Variants in RTP2 observed in about 807,000 individuals in gnomAD.
RTP2 encodes receptor transporter protein 2.
In RTP2, 12 loss-of-function variants were observed where a neutral mutation model predicts 17.9. That is an observed-to-expected ratio of 0.67 (90% CI 0.43 to 1.09). RTP2 has a LOEUF of 1.09. Ranked by LOEUF, RTP2 falls within the 50% of genes least tolerant of loss-of-function variation. The pLI, the probability that RTP2 is intolerant of heterozygous loss-of-function variation, is 0.00. For missense variants in RTP2, 327 were observed against 295.7 expected (o/e 1.11, Z -0.78); for synonymous variants, 126 against 117.7 (o/e 1.07, Z -0.46).
the RTP2 span, among the ~76,000 whole-genome samples, chr3:187,713,467 C>T: frequency 6.6e-6 from 1 of 152,142 alleles, no homozygotes; most frequent in Non-Finnish European, 1.5e-5. Flanking sequence ...TTTATTGAAA[C>T]GAAAGTATAC....
chr3:187,699,776 CACACACAT>C (rs1553830580), intron 1 of RTP2, among the ~76,000 whole-genome samples: 16,754 of 45,198 alleles, frequency 0.37, 1,368 homozygotes, highest in East Asian at 0.49. Context: ...CACACACACA[CACACACAT>C]ATATTTTCTC....
In RTP2 at chr3:187,698,444, G is replaced by A. The variant is rs1717742045; in HGVS notation, c.*54C>T. The A allele has an allele frequency of 4.7e-6, 7 of 1,481,864 alleles. No individual in the cohort carries two copies. In the East Asian group the frequency reaches 1.4e-4, roughly 30 times the overall value. 91.8% of individuals were successfully genotyped at this position (1,481,864 alleles called of 1,614,324 possible). On this transcript the variant is annotated 3_prime_UTR_variant, in exon 2 of 2. Transcript: ENST00000358241. ...TCTGTAGCAGGATCAAGTCCAGACT[G>A]TGTCCTCCCCACTCTCAAGCCCATG...
At chr3:187,710,291 G>A in the RTP2 span, among the ~76,000 whole-genome samples, 1 of 151,572 alleles carries the variant, frequency 6.6e-6, no homozygotes, top group Non-Finnish European at 1.5e-5. Context: ...TGAGTCTTCA[G>A]CTTGTAGTTG....
the RTP2 span, among the ~76,000 whole-genome samples, chr3:187,709,233 A>G: frequency 6.6e-6 from 1 of 152,196 alleles, no homozygotes; most frequent in Admixed American, 6.5e-5. Context: ...AAAAAGTTAT[A>G]TGGCATTGAC....
upstream of RTP2, among the ~76,000 whole-genome samples, chr3:187,704,450 G>A (rs1717939271): frequency 6.6e-6 from 1 of 152,164 alleles, no homozygotes; most frequent in Non-Finnish European, 1.5e-5. Context: ...TGTTCTTGAG[G>A]AGACAAATTT....
At position 187,699,729 on chromosome 3, in the gene RTP2, CCACA is replaced by C. The variant is rs1328615413; in HGVS notation, c.165-722_165-719del. ...GAGGGTATTCATTCCCATTGCCACT[CCACA>C]CACACACACACACACACACACACAC... On this transcript the variant is annotated intron_variant, in intron 1 of 1. Coordinates refer to ENST00000358241, the Ensembl canonical transcript of RTP2. 5.3e-3 allele frequency among the ~76,000 whole-genome samples: 618 copies of C among 116,490 alleles called. 8 individuals carry two copies. Among genetic ancestry groups the C allele is most frequent in the African/African-American group, 0.017 (503 of 29,690 alleles). 76.4% of individuals were successfully genotyped at this position (116,490 alleles called of 152,430 possible).
upstream of RTP2, among the ~76,000 whole-genome samples, chr3:187,707,155 T>C (rs751866607): frequency 2.2e-4 from 33 of 152,192 alleles, no homozygotes; most frequent in Non-Finnish European, 4.3e-4. Flanking sequence ...CCTCACAGGA[T>C]GCTGGCTGAG....
chr3:187,699,241 G>T (rs1717781098), intron 1 of RTP2, among the ~76,000 whole-genome samples: 2 of 152,140 alleles, frequency 1.3e-5, no homozygotes, highest in Non-Finnish European at 2.9e-5. Context: ...GAGCCATCTG[G>T]CATCCAGCAG....
exon 2 of RTP2, chr3:187,698,954 G>C (rs781484227): frequency 1.2e-6 from 2 of 1,606,660 alleles, no homozygotes; most frequent in Non-Finnish European, 1.7e-6. Flanking sequence ...GGAACATGTG[G>C]AAGAGGATGA....
the RTP2 span, among the ~76,000 whole-genome samples, chr3:187,712,132 T>C: frequency 2.0e-5 from 3 of 152,112 alleles, no homozygotes; most frequent in African/African-American, 7.2e-5. Flanking sequence ...CATACGCACA[T>C]ACACATACAC....
the RTP2 span, among the ~76,000 whole-genome samples, chr3:187,711,123 T>C: frequency 3.3e-5 from 5 of 152,194 alleles, no homozygotes; most frequent in African/African-American, 1.2e-4. Flanking sequence ...TTGATTCCAA[T>C]GGCTCAAAGA....
chr3:187,703,995 T>C (rs986772041), upstream of RTP2, among the ~76,000 whole-genome samples: 9 of 152,174 alleles, frequency 5.9e-5, no homozygotes, highest in Non-Finnish European at 1.3e-4. Flanking sequence ...TGAGCACAAT[T>C]ACTACTTCAA....
At chr3:187,699,163 G>T in intron 1 of RTP2, 152 bp from the exon 2 acceptor site, 4 of 984,434 alleles carry the variant, frequency 4.1e-6, no homozygotes, top group Non-Finnish European at 5.8e-6. Flanking sequence ...CTCCAAGGCC[G>T]GCCTGCTCTC....
At chr3:187,708,767 C>A in the RTP2 span, among the ~76,000 whole-genome samples, 34 of 152,158 alleles carry the variant, frequency 2.2e-4, no homozygotes, top group Admixed American at 2.2e-3. Context: ...TTTAAGCACA[C>A]ACAAGAACCC....
chr3:187,709,646 T>C, the RTP2 span, among the ~76,000 whole-genome samples: 31 of 152,234 alleles, frequency 2.0e-4, no homozygotes, highest in African/African-American at 5.3e-4. Context: ...GATCACACCA[T>C]TGCACTCCAG....
rs373785330 is a variant in RTP2, at chr3:187,699,058, A to T, written c.165-47T>A. The T allele has an allele frequency of 2.0e-6, 3 of 1,532,794 alleles. No individual in the cohort carries two copies. The African/African-American group carries it at 4.1e-5, about 21-fold the overall frequency. The allele number at this position is 1,532,794 out of a possible 1,614,324, so 94.9% of individuals were successfully genotyped here. ...GTGGAGAAGGTGGGCATCCCAGAGAAGCCTGCCCTGAGAAGCTCTGAGAGG... is the reference window on the plus strand; with the variant it reads ...GTGGAGAAGGTGGGCATCCCAGAGATGCCTGCCCTGAGAAGCTCTGAGAGG... On this transcript the variant is annotated intron_variant, in intron 1 of 1. Transcript: ENST00000358241.
At chr3:187,698,608 C>T in exon 2 of RTP2, 1 of 1,614,100 alleles carries the variant, frequency 6.2e-7, no homozygotes, top group Non-Finnish European at 8.5e-7. Context: ...CCGGATCCCG[C>T]CTGGGCCCTC....
the RTP2 span, among the ~76,000 whole-genome samples, chr3:187,711,893 T>C: frequency 6.6e-6 from 1 of 152,246 alleles, no homozygotes; most frequent in Non-Finnish European, 1.5e-5. Context: ...ATATTATTTT[T>C]CTACTTATAT....
exon 2 of RTP2, chr3:187,698,349 A>G: frequency 1.5e-6 from 1 of 647,668 alleles, no homozygotes; most frequent in South Asian, 2.1e-5. Flanking sequence ...TTCTAATGCA[A>G]TCCTCTCATT....
Sources: gnomAD v4.1 joint callset for allele counts (sites outside exome capture counted in the v4.1 genomes callset) on GRCh38, gnomAD v4.1.1 for gene constraint, MANE v1.5 for transcripts, NCBI Gene and HGNC (gene_info 2026-07-23, HGNC 2026-07-21) for gene names.